The following MFSD8 variants were observed in gnomAD, a reference collection of about 807,000 sequenced individuals.
The protein encoded by MFSD8 is major facilitator superfamily domain-containing protein 8.
In MFSD8, 55 loss-of-function variants were observed where a neutral mutation model predicts 66.4. The observed-to-expected ratio is 0.83, with a 90% CI of 0.67 to 1.04. The LOEUF (loss-of-function observed/expected upper bound fraction) is 1.04, where lower values mean the gene tolerates loss of function less well. Ranked by LOEUF, MFSD8 falls within the 50% of genes least tolerant of loss-of-function variation. The pLI is 0.00. For missense variants in MFSD8, 550 were observed against 627.6 expected (o/e 0.88, Z 1.32); for synonymous variants, 202 against 212.8 (o/e 0.95, Z 0.44).
At chr4:127,938,359 G>A (rs572089009) in intron 7 of MFSD8, among the ~76,000 whole-genome samples, 1 of 151,972 alleles carries the variant, frequency 6.6e-6, no homozygotes, top group East Asian at 1.9e-4. Flanking sequence ...CGAGGCGGGT[G>A]GATCACAAGG....
intron 7 of MFSD8, among the ~76,000 whole-genome samples, chr4:127,935,700 C>T (rs928991885): frequency 3.3e-5 from 5 of 152,170 alleles, no homozygotes; most frequent in Non-Finnish European, 7.4e-5. Flanking sequence ...TGCTGCCCAA[C>T]AGAACTGTGA....
At chr4:127,951,101 C>T (rs1364368291) in intron 2 of MFSD8, among the ~76,000 whole-genome samples, 1 of 151,722 alleles carries the variant, frequency 6.6e-6, no homozygotes, top group Non-Finnish European at 1.5e-5. Context: ...TTAAAAATAG[C>T]TGTTGAGATA....
At position 127,932,997 on chromosome 4, in the gene MFSD8, G is replaced by A; in HGVS notation, c.851C>T (p.Ala284Val). The A allele has an allele frequency of 6.2e-7, 1 of 1,612,474 alleles. No individual in the cohort carries two copies. Among genetic ancestry groups the A allele is most frequent in the Non-Finnish European group, 8.5e-7 (1 of 1,178,782 alleles). ...VLFFVTLFIF[A>V]LFETIITPLT... ...GAATAAAACTTACGTTTCAAAAAGG[G>A]CAAAGATAAATAGAGTCACAAAAAA... The change falls in exon 8 of 12, where the codon GCC becomes GTC. Residue 284 changes from alanine (A) to valine (V), a missense_variant. Coordinates refer to ENST00000641686, the MANE Select transcript of MFSD8 (RefSeq NM_001371596.2).
intron 2 of MFSD8, among the ~76,000 whole-genome samples, chr4:127,952,311 G>A (rs1742125908): frequency 6.6e-6 from 1 of 151,994 alleles, no homozygotes; most frequent in Admixed American, 6.6e-5. Context: ...GGTTGAGGCA[G>A]GAGAATGGCG....
intron 1 of MFSD8, 97 bp downstream of exon 1, chr4:127,964,975 G>T: frequency 1.4e-6 from 2 of 1,433,278 alleles, no homozygotes; most frequent in Non-Finnish European, 1.9e-6. Flanking sequence ...GAACCCCTCT[G>T]GCAGCGAGGG....
intron 5 of MFSD8, among the ~76,000 whole-genome samples, chr4:127,941,348 A>T (rs116088778): frequency 0.026 from 3,976 of 152,278 alleles, 153 homozygotes; most frequent in African/African-American, 0.091. Flanking sequence ...TAATATTCAT[A>T]ACTTCAATAT....
At chr4:127,957,641 G>A in intron 1 of MFSD8, 49 bp from the exon 2 acceptor site, 1 of 1,262,616 alleles carries the variant, frequency 7.9e-7, no homozygotes, top group Non-Finnish European at 1.2e-6. Flanking sequence ...CATTACATGT[G>A]GATCTTAAGT....
At position 127,954,896 on chromosome 4, in the gene MFSD8, C is replaced by T. The variant is rs533086209; in HGVS notation, c.154+2605G>A. 5.9e-5 allele frequency among the ~76,000 whole-genome samples: 9 copies of T among 152,272 alleles called. No individual in the cohort carries two copies. In the East Asian group the frequency reaches 1.2e-3, roughly 20 times the overall value. ...AAAGCACAAGAAACATGTTCAACAT[C>T]ACTAATCATTAAGAAGATGCAAATC... On this transcript the variant is annotated intron_variant, in intron 2 of 11. Transcript: ENST00000641686.
intron 3 of MFSD8, among the ~76,000 whole-genome samples, chr4:127,947,977 T>A (rs1025759412): frequency 2.1e-4 from 32 of 150,916 alleles, no homozygotes; most frequent in African/African-American, 7.3e-4. Context: ...TAAGAATAAG[T>A]CATTAGAGTT....
rs1736110755 is a variant in MFSD8 at position 127,919,434 on chromosome 4, T to G, written c.*1196A>C. ...TTGGAAAAGTGTTTAGAAATATTTT[T>G]GCATTTTCTTAACAGTGCTTATCAA... On this transcript the variant is annotated 3_prime_UTR_variant, in exon 12 of 12. Coordinates refer to ENST00000641686, the MANE Select transcript of MFSD8 (RefSeq NM_001371596.2). The G allele has an allele frequency of 6.6e-6, 1 of 152,236 alleles. No individual in the cohort carries two copies. The highest frequency in any genetic ancestry group is 1.5e-5 in the Non-Finnish European group (1 of 68,036). 9.4% of individuals were successfully genotyped at this position (152,236 alleles called of 1,614,324 possible).
intron 5 of MFSD8, among the ~76,000 whole-genome samples, chr4:127,941,590 TA>T (rs1403778578): frequency 6.6e-6 from 1 of 152,108 alleles, no homozygotes; most frequent in African/African-American, 2.4e-5. Context: ...GCCTCCCAAG[TA>T]GCTGGGATTA....
rs182322796 is a variant in MFSD8 at position 127,962,704 on chromosome 4, A to G, written c.62+2368T>C. On this transcript the variant is annotated intron_variant, in intron 1 of 11. Transcript: ENST00000641686. ...AAAAAAGTATAGCAGTGTAAAATAA[A>G]TTGGTATAGAAGCAAACAGTCCCAA... Among the ~76,000 whole-genome samples, 42 of 152,294 alleles carry G rather than the reference A, an allele frequency of 2.8e-4. No homozygotes were observed. In the East Asian group the frequency reaches 7.7e-3, roughly 28 times the overall value.
At chr4:127,941,159 A>G (rs1740124239) in intron 5 of MFSD8, among the ~76,000 whole-genome samples, 1 of 152,142 alleles carries the variant, frequency 6.6e-6, no homozygotes, top group Non-Finnish European at 1.5e-5. Flanking sequence ...CAATTATTCT[A>G]CATTTGTGCT....
intron 3 of MFSD8, chr4:127,945,768 T>G (rs1740932233): frequency 1.3e-5 from 2 of 152,180 alleles, no homozygotes; most frequent in South Asian, 4.1e-4. Context: ...GTACTCTGGT[T>G]TTCATTTTCT....
At chr4:127,929,782 A>G (rs113047600) in intron 9 of MFSD8, among the ~76,000 whole-genome samples, 4 of 152,340 alleles carry the variant, frequency 2.6e-5, no homozygotes, top group East Asian at 1.9e-4. Flanking sequence ...TTTAGTGTAC[A>G]TGTCAAAAGC....
chr4:127,923,191 T>C (rs564224063), intron 9 of MFSD8, among the ~76,000 whole-genome samples: 1 of 152,316 alleles, frequency 6.6e-6, no homozygotes, highest in South Asian at 2.1e-4. Context: ...AGAGAGGGTA[T>C]CCTTGTCTTG....
chr4:127,955,502 T>C (rs1416860492), intron 2 of MFSD8, among the ~76,000 whole-genome samples: 1 of 143,268 alleles, frequency 7.0e-6, no homozygotes, highest in African/African-American at 2.6e-5. Context: ...ATCACACCAC[T>C]GCACTCCAGC....
At chr4:127,951,761 G>C (rs1742009557) in intron 2 of MFSD8, among the ~76,000 whole-genome samples, 1 of 140,348 alleles carries the variant, frequency 7.1e-6, no homozygotes, top group African/African-American at 2.7e-5. Context: ...ACAGAGTCTC[G>C]CTATGTCACC....
chr4:127,926,409 TACA>T (rs955342420), intron 9 of MFSD8, among the ~76,000 whole-genome samples: 36 of 149,400 alleles, frequency 2.4e-4, no homozygotes, highest in Admixed American at 5.4e-4. Flanking sequence ...GTGTATCAAA[TACA>T]ACATTTCCCC....
Sources: gnomAD v4.1 joint callset for allele counts (sites outside exome capture counted in the v4.1 genomes callset) on GRCh38, gnomAD v4.1.1 for gene constraint, MANE v1.5 for transcripts, NCBI Gene and HGNC (gene_info 2026-07-23, HGNC 2026-07-21) for gene names.